The following DCDC2 variants were observed in gnomAD, a reference collection of about 807,000 sequenced individuals.
DCDC2 encodes doublecortin domain-containing protein 2.
In DCDC2, 40 loss-of-function variants were observed where a neutral mutation model predicts 50.2. The ratio of observed to expected loss-of-function variants is 0.80; its 90% confidence interval spans 0.62 to 1.04. DCDC2 has a LOEUF of 1.04. Ranked by LOEUF, DCDC2 falls within the 50% of genes least tolerant of loss-of-function variation. The probability of loss-of-function intolerance (pLI) is 0.00; values close to 1 mark genes in which losing one functional copy is unlikely to be tolerated. For missense variants in DCDC2, 570 were observed against 581.9 expected (o/e 0.98, Z 0.21); for synonymous variants, 234 against 210.6 (o/e 1.11, Z -0.96).
intron 2 of DCDC2, among the ~76,000 whole-genome samples, chr6:24,326,117 C>G (rs1581653823): frequency 7.9e-6 from 1 of 126,768 alleles, no homozygotes; most frequent in South Asian, 2.7e-4. Context: ...GAGAGAAAGA[C>G]AGGGAGAAAA....
At position 24,278,125 on chromosome 6, in the gene DCDC2, G is replaced by A. The variant is rs746103571; in HGVS notation, c.846C>T (p.Asp282=). 7.4e-6 allele frequency: 12 copies of A among 1,613,254 alleles called. No individual in the cohort carries two copies. In the African/African-American group the frequency reaches 8.0e-5, roughly 11 times the overall value. Residue 282 remains aspartate, a synonymous_variant, in exon 7 of 10, where the codon GAC becomes GAT. Coordinates refer to ENST00000378454, the MANE Select transcript of DCDC2 (RefSeq NM_016356.5). The part of the protein sequence containing the change: ...QPLKRKGKKE[D]VNSEKLTKLK... ...ATTTCGTCAGTTTTTCTGAATTCAC[G>A]TCTTCTTTTTTCCCTTTCCTCTTCA...
rs192811800 is a variant in DCDC2, at chr6:24,352,901, G to A, written c.348+668C>T. On this transcript the variant is annotated intron_variant, in intron 2 of 9. Transcript: ENST00000378454. ...ACTACAATTTTCCCTGTCTCAGGCT[G>A]TGGCCCCAACTTTGTTTTTAATCTA... 5.3e-4 allele frequency among the ~76,000 whole-genome samples: 81 copies of A among 152,256 alleles called. 1 individual carries two copies. The highest frequency in any genetic ancestry group is 9.1e-4 in the Non-Finnish European group (62 of 68,014).
intron 1 of DCDC2, among the ~76,000 whole-genome samples, chr6:24,356,330 C>A (rs1405049442): frequency 6.6e-6 from 1 of 152,088 alleles, no homozygotes; most frequent in African/African-American, 2.4e-5. Flanking sequence ...CCGTATGATT[C>A]CATTTATATG....
intron 9 of DCDC2, 40 bp downstream of exon 9, chr6:24,178,290 T>C (rs1760970126): frequency 6.3e-7 from 1 of 1,581,864 alleles, no homozygotes; most frequent in Non-Finnish European, 8.6e-7. Context: ...CACACACATA[T>C]TCATGCATTC....
At chr6:24,194,621 A>G (rs181853050) in intron 8 of DCDC2, among the ~76,000 whole-genome samples, 1 of 152,154 alleles carries the variant, frequency 6.6e-6, no homozygotes, top group Non-Finnish European at 1.5e-5. Context: ...AGTTTACTTA[A>G]TTAAAATGGA....
intron 7 of DCDC2, among the ~76,000 whole-genome samples, chr6:24,223,652 T>C (rs1384003619): frequency 6.6e-6 from 1 of 152,246 alleles, no homozygotes; most frequent in African/African-American, 2.4e-5. Flanking sequence ...TTTTTTTGCA[T>C]ATCCGACTTA....
At chr6:24,180,790 T>C (rs368180281) in intron 8 of DCDC2, among the ~76,000 whole-genome samples, 10 of 152,234 alleles carry the variant, frequency 6.6e-5, no homozygotes, top group African/African-American at 2.4e-4. Context: ...TGACCAAACT[T>C]TTTGTCATTA....
chr6:24,215,214 T>G (rs1371583101), intron 7 of DCDC2, among the ~76,000 whole-genome samples: 2 of 152,196 alleles, frequency 1.3e-5, no homozygotes, highest in Non-Finnish European at 2.9e-5. Context: ...GAAGGCACTC[T>G]GGACAGAAGA....
intron 2 of DCDC2, among the ~76,000 whole-genome samples, chr6:24,323,592 A>G (rs960652626): frequency 1.3e-5 from 2 of 152,204 alleles, no homozygotes; most frequent in Admixed American, 6.5e-5. Context: ...AGTTCAATGA[A>G]TATAATGCTT....
chr6:24,331,949 T>C (rs1161255921), intron 2 of DCDC2, among the ~76,000 whole-genome samples: 2 of 152,224 alleles, frequency 1.3e-5, no homozygotes, highest in Non-Finnish European at 2.9e-5. Context: ...TATTTAATTC[T>C]GAAAGCAATT....
chr6:24,326,817 C>G (rs73382211), intron 2 of DCDC2, among the ~76,000 whole-genome samples: 4,872 of 146,296 alleles, frequency 0.033, 292 homozygotes, highest in African/African-American at 0.11. Context: ...CTTGATCATG[C>G]TACTGCACTC....
chr6:24,296,226 A>G (rs1759234213), intron 4 of DCDC2, among the ~76,000 whole-genome samples: 1 of 152,222 alleles, frequency 6.6e-6, no homozygotes, highest in Admixed American at 6.5e-5. Context: ...AGCAATGGGG[A>G]AAGGAGTCCC....
Position 24,346,040 on chromosome 6 carries a change from G to A in DCDC2, c.348+7529C>T, listed in dbSNP as rs561077531. On this transcript the variant is annotated intron_variant, in intron 2 of 9. Transcript: ENST00000378454. ...CTAATAATACAAAAATTAGCCAGGC[G>A]TGGTGGCACACACTTGTAGTCCCAG... Among the ~76,000 whole-genome samples, 28 of 151,794 alleles carry A rather than the reference G, an allele frequency of 1.8e-4. No homozygotes were observed. The East Asian group carries it at 2.7e-3, about 15-fold the overall frequency.
At chr6:24,271,224 A>AAAAAAAAAAAAAAAAG (rs919124775) in intron 7 of DCDC2, among the ~76,000 whole-genome samples, 4 of 143,024 alleles carry the variant, frequency 2.8e-5, no homozygotes, top group African/African-American at 1.1e-4. Flanking sequence ...AAAAAAAAAA[A>AAAAAAAAAAAAAAAAG]AGAGAGAGAG....
At chr6:24,229,556 C>A (rs1281643718) in intron 7 of DCDC2, among the ~76,000 whole-genome samples, 1 of 152,046 alleles carries the variant, frequency 6.6e-6, no homozygotes, top group Non-Finnish European at 1.5e-5. Flanking sequence ...GCCACATTCC[C>A]ATGAAATCTT....
At chr6:24,359,749 A>C, upstream of DCDC2, among the ~76,000 whole-genome samples, 1 of 150,884 alleles carries the variant, frequency 6.6e-6, no homozygotes, top group Non-Finnish European at 1.5e-5. Flanking sequence ...GGAGGGAAGG[A>C]AGGAAGGGAA....
intron 4 of DCDC2, among the ~76,000 whole-genome samples, chr6:24,291,715 G>A (rs1763756552): frequency 6.6e-6 from 1 of 151,872 alleles, no homozygotes; most frequent in African/African-American, 2.4e-5. Context: ...TCGATCTCCT[G>A]ACCTCGTGAT....
upstream of DCDC2, among the ~76,000 whole-genome samples, chr6:24,359,894 A>C (rs1184211474): frequency 1.3e-5 from 2 of 152,186 alleles, no homozygotes; most frequent in Non-Finnish European, 2.9e-5. Context: ...TGAAGACAGC[A>C]GGCAGCGCGC....
chr6:24,346,256 T>C (rs1760252618), intron 2 of DCDC2, among the ~76,000 whole-genome samples: 1 of 150,366 alleles, frequency 6.7e-6, no homozygotes, highest in Admixed American at 6.6e-5. Context: ...TTAATGGAAA[T>C]GTGGAGTAGG....
Sources: gnomAD v4.1 joint callset for allele counts (sites outside exome capture counted in the v4.1 genomes callset) on GRCh38, gnomAD v4.1.1 for gene constraint, MANE v1.5 for transcripts, NCBI Gene and HGNC (gene_info 2026-07-23, HGNC 2026-07-21) for gene names.